NPAS3: variants seen among roughly 807,000 people sequenced by gnomAD.
The protein encoded by NPAS3 is neuronal PAS domain protein 3, also known as neuronal PAS domain-containing protein 3.
In NPAS3, 14 loss-of-function variants were observed where a neutral mutation model predicts 73.1. The ratio of observed to expected loss-of-function variants is 0.19; its 90% CI spans 0.13 to 0.30. The LOEUF is 0.30. Among genes scored for constraint, NPAS3 ranks in the 10% least tolerant of loss-of-function variants. NPAS3 has a pLI of 1.00. For synonymous variants in NPAS3, 620 were observed against 541.5 expected (o/e 1.14, Z -2.01); for missense variants, 1,096 against 1,250.0 (o/e 0.88, Z 1.86).
chr14:33,629,234 C>CA (rs372236952), intron 5 of NPAS3, among the ~76,000 whole-genome samples: 2,315 of 80,758 alleles, frequency 0.029, 40 homozygotes, highest in African/African-American at 0.062. Context: ...GACTCCATCT[C>CA]AAAAAAAAAA....
At chr14:33,464,372 C>G (rs185429371) in intron 4 of NPAS3, among the ~76,000 whole-genome samples, 122 of 152,252 alleles carry the variant, frequency 8.0e-4, no homozygotes, top group African/African-American at 2.7e-3. Flanking sequence ...AAGGGCTGCA[C>G]TGGCCGAGTA....
intron 4 of NPAS3, among the ~76,000 whole-genome samples, chr14:33,523,992 T>C (rs561814917): frequency 6.6e-6 from 1 of 152,202 alleles, no homozygotes; most frequent in African/African-American, 2.4e-5. Context: ...ATCCTAGTGC[T>C]AGGCATATAA....
At chr14:33,672,604 C>A (rs962143183) in intron 5 of NPAS3, among the ~76,000 whole-genome samples, 3 of 152,050 alleles carry the variant, frequency 2.0e-5, no homozygotes, top group East Asian at 1.9e-4. Context: ...GCAAAAAATT[C>A]TCCGTCTTGC....
At chr14:33,146,018 G>A (rs1310953384) in intron 2 of NPAS3, among the ~76,000 whole-genome samples, 5 of 152,084 alleles carry the variant, frequency 3.3e-5, no homozygotes, top group African/African-American at 7.2e-5. Flanking sequence ...GTAAAGAGTC[G>A]CAGATGGTTT....
At position 33,382,994 on chromosome 14, in the gene NPAS3, G is replaced by A. The variant is rs141849378; in HGVS notation, c.468+15726G>A. 5.4e-3 allele frequency among the ~76,000 whole-genome samples: 816 copies of A among 151,066 alleles called. 7 individuals are homozygous for A. The highest frequency in any genetic ancestry group is 0.013 in the African/African-American group (542 of 41,056). ...ACTAGCTACTTTGGAGGCTGAGGCA[G>A]GAAAATTGCTGGAGCTGAGGAGGTT... On this transcript the variant is annotated intron_variant, in intron 4 of 11. Coordinates refer to ENST00000356141, the Ensembl canonical transcript of NPAS3.
intron 1 of NPAS3, 105 bp from the exon 2 acceptor site, chr14:33,055,800 C>T (rs1051992431): frequency 3.4e-5 from 18 of 536,496 alleles, no homozygotes; most frequent in Admixed American, 5.2e-5. Flanking sequence ...AGCTCAAAAG[C>T]GTAAAAAGCA....
chr14:33,015,527 A>C, intron 1 of NPAS3, among the ~76,000 whole-genome samples: 1 of 152,222 alleles, frequency 6.6e-6, no homozygotes, highest in South Asian at 2.1e-4. Context: ...CAGCATAAGG[A>C]GTGTGAGCCA....
At chr14:33,087,621 A>G (rs565914705) in intron 2 of NPAS3, among the ~76,000 whole-genome samples, 4 of 152,332 alleles carry the variant, frequency 2.6e-5, no homozygotes, top group African/African-American at 9.6e-5. Flanking sequence ...CTTACAAAAA[A>G]GTAGTATTAT....
intron 1 of NPAS3, among the ~76,000 whole-genome samples, chr14:32,990,080 C>T (rs1315068798): frequency 6.6e-6 from 1 of 152,140 alleles, no homozygotes. Context: ...TTTCTATTCC[C>T]TGAAACAGGG....
At chr14:33,034,456 T>A (rs999107294) in intron 1 of NPAS3, among the ~76,000 whole-genome samples, 5 of 151,494 alleles carry the variant, frequency 3.3e-5, no homozygotes, top group African/African-American at 1.2e-4. Context: ...TAAGGAAATA[T>A]TCTTCAAAGT....
intron 7 of NPAS3, among the ~76,000 whole-genome samples, chr14:33,773,181 T>C (rs1056633570): frequency 4.6e-5 from 7 of 152,190 alleles, no homozygotes; most frequent in Non-Finnish European, 1.5e-5. Context: ...CGAGACCTAC[T>C]TCCCACTCCA....
At chr14:33,753,702 G>C (rs1046008159) in intron 7 of NPAS3, among the ~76,000 whole-genome samples, 11 of 152,148 alleles carry the variant, frequency 7.2e-5, no homozygotes, top group African/African-American at 2.7e-4. Context: ...TCTGACTTCA[G>C]CAGCTACAAC....
intron 3 of NPAS3, among the ~76,000 whole-genome samples, chr14:33,338,289 T>C (rs1324959604): frequency 2.6e-5 from 4 of 152,152 alleles, no homozygotes; most frequent in African/African-American, 9.6e-5. Flanking sequence ...GTGCTGAATC[T>C]AATTTTTGTG....
At chr14:33,163,620 G>GTTTTTTT (rs1555347674) in intron 2 of NPAS3, among the ~76,000 whole-genome samples, 2 of 96,108 alleles carry the variant, frequency 2.1e-5, no homozygotes, top group Non-Finnish European at 4.6e-5. Context: ...GAAGTGTTTT[G>GTTTTTTT]TTGTTTTTTT....
chr14:33,534,082 A>G (rs888745842), intron 4 of NPAS3, among the ~76,000 whole-genome samples: 6 of 152,066 alleles, frequency 3.9e-5, no homozygotes, highest in Admixed American at 2.0e-4. Context: ...CATTTTATTC[A>G]GTGTCATAAT....
At chr14:33,042,929 A>C (rs2040391775) in intron 1 of NPAS3, among the ~76,000 whole-genome samples, 1 of 152,160 alleles carries the variant, frequency 6.6e-6, no homozygotes, top group South Asian at 2.1e-4. Flanking sequence ...ATCTTGTTGA[A>C]TCAAGACCTT....
rs750391716 is a variant in NPAS3 at position 33,800,840 on chromosome 14, C to A, written c.2533C>A (p.Leu845Met). The change falls in exon 12 of 12, where the codon CTG becomes ATG. Residue 845 changes from leucine (L) to methionine (M), a missense_variant. This residue lies in a region of NPAS3 where 698 missense variants were observed against 676.7 expected (regional missense o/e 1.03). Coordinates refer to ENST00000356141, the Ensembl canonical transcript of NPAS3. This position sits in a 1 kb window ranked among gnomAD's most constrained non-coding sequence, Gnocchi z 6.5. ...GACCCTGGCCATGCAGAGCAACCTGCTGCCCAACGCGCACGCTGTTAACTT... is the reference window on the plus strand; with the variant it reads ...GACCCTGGCCATGCAGAGCAACCTGATGCCCAACGCGCACGCTGTTAACTT... 1.2e-6 allele frequency: 2 copies of A among 1,603,898 alleles called. No homozygotes were observed. Among genetic ancestry groups the A allele is most frequent in the Admixed American group, 1.7e-5 (1 of 58,976 alleles).
At position 33,074,101 on chromosome 14, in the gene NPAS3, A is replaced by G. The variant is rs560931992; in HGVS notation, c.140+18107A>G. On this transcript the variant is annotated intron_variant, in intron 2 of 11. Transcript: ENST00000356141. ...CTTCAACAGGATTCAATCAGGAAAT[A>G]CTTTTTAAAATTATATTTATTGATA... Among the ~76,000 whole-genome samples, 11 of 152,292 alleles carry G rather than the reference A, an allele frequency of 7.2e-5. No individual in the cohort carries two copies. In the East Asian group the frequency reaches 2.1e-3, roughly 29 times the overall value.
chr14:33,801,042 C>T, exon 12 of NPAS3: 4 of 1,593,270 alleles, frequency 2.5e-6, no homozygotes, highest in Middle Eastern at 1.7e-4. Flanking sequence ...CTCTTCTCCA[C>T]GCTGCCCTTC....
Sources: allele counts gnomAD v4.1 joint callset (sites outside exome capture counted in the v4.1 genomes callset), GRCh38; gene constraint gnomAD v4.1.1; regional missense constraint gnomAD v4.1.1; non-coding constraint Gnocchi (gnomAD v3.1); transcripts MANE v1.5; gene names NCBI Gene and HGNC (gene_info 2026-07-23, HGNC 2026-07-21).